Variants in TMEM117 observed in about 807,000 individuals in gnomAD.
TMEM117 encodes transmembrane protein 117.
A neutral mutation model predicts 52.4 loss-of-function variants in TMEM117; 27 were observed. The observed-to-expected ratio is 0.51, with a 90% CI of 0.38 to 0.71. The LOEUF (loss-of-function observed/expected upper bound fraction) is 0.71. Ranked by LOEUF, TMEM117 falls within the 30% of genes least tolerant of loss-of-function variation. The probability of loss-of-function intolerance (pLI) is 0.00; values close to 1 mark genes in which losing one functional copy is unlikely to be tolerated. For missense variants in TMEM117, 556 were observed against 630.5 expected, an observed-to-expected ratio of 0.88 and a Z score of 1.26; for synonymous variants, 215 against 206.3, an observed-to-expected ratio of 1.04 and a Z score of -0.36.
intron 3 of TMEM117, among the ~76,000 whole-genome samples, chr12:44,140,505 G>A (rs1592551958): frequency 6.6e-6 from 1 of 152,032 alleles, no homozygotes; most frequent in African/African-American, 2.4e-5. Flanking sequence ...CTTCTGGACA[G>A]TTTTTTCTCT....
intron 3 of TMEM117, among the ~76,000 whole-genome samples, chr12:43,989,620 A>C (rs962123807): frequency 6.6e-6 from 1 of 151,954 alleles, no homozygotes; most frequent in African/African-American, 2.4e-5. Flanking sequence ...ATTCAAATGT[A>C]TTTATTTTTC....
chr12:44,019,889 A>C (rs896761808), intron 3 of TMEM117, among the ~76,000 whole-genome samples: 2 of 152,150 alleles, frequency 1.3e-5, no homozygotes, highest in African/African-American at 4.8e-5. Flanking sequence ...ACATATGACA[A>C]TCCCCAATTT....
intron 2 of TMEM117, among the ~76,000 whole-genome samples, chr12:43,941,588 A>G (rs1022427692): frequency 9.8e-5 from 15 of 152,288 alleles, no homozygotes; most frequent in African/African-American, 3.6e-4. Flanking sequence ...AGGGCAGTCT[A>G]TGTGTATATG....
At chr12:44,206,628 A>G (rs1949570720) in intron 4 of TMEM117, among the ~76,000 whole-genome samples, 1 of 152,246 alleles carries the variant, frequency 6.6e-6, no homozygotes, top group South Asian at 2.1e-4. Flanking sequence ...AGTACTATGC[A>G]GCCATAAAAA....
chr12:44,253,885 C>T (rs371763431), intron 5 of TMEM117, among the ~76,000 whole-genome samples: 17 of 151,298 alleles, frequency 1.1e-4, no homozygotes, highest in African/African-American at 4.1e-4. Flanking sequence ...CACCTTCTCT[C>T]TCTCAAAGAA....
intron 5 of TMEM117, among the ~76,000 whole-genome samples, chr12:44,242,168 A>G (rs1397848406): frequency 6.6e-6 from 1 of 151,230 alleles, no homozygotes; most frequent in African/African-American, 2.4e-5. Context: ...TCAAGGGTAC[A>G]TGTGCAGGTT....
At chr12:44,358,402 T>C (rs939921879) in intron 6 of TMEM117, among the ~76,000 whole-genome samples, 7 of 152,104 alleles carry the variant, frequency 4.6e-5, no homozygotes, top group African/African-American at 1.7e-4. Flanking sequence ...AATTAGAAAT[T>C]CTCAGAGGAT....
At chr12:43,933,286 G>A (rs776598247) in intron 2 of TMEM117, among the ~76,000 whole-genome samples, 3 of 150,474 alleles carry the variant, frequency 2.0e-5, no homozygotes, top group Admixed American at 6.7e-5. Context: ...TGCAGGCTCC[G>A]CCCCCCAGGG....
At chr12:43,822,794 G>A in the TMEM117 span, among the ~76,000 whole-genome samples, 2 of 151,950 alleles carry the variant, frequency 1.3e-5, no homozygotes, top group Non-Finnish European at 1.5e-5. Flanking sequence ...CTACTTGGGA[G>A]GCCGAGGTAG....
intron 2 of TMEM117, among the ~76,000 whole-genome samples, chr12:43,854,989 T>G (rs1407376700): frequency 2.0e-5 from 3 of 152,224 alleles, no homozygotes; most frequent in Non-Finnish European, 4.4e-5. Context: ...TTTCAGAATT[T>G]AGAGCATTTG....
At chr12:44,304,959 T>C (rs1950886619) in intron 6 of TMEM117, among the ~76,000 whole-genome samples, 1 of 152,154 alleles carries the variant, frequency 6.6e-6, no homozygotes, top group Non-Finnish European at 1.5e-5. Flanking sequence ...AACTTTGTCT[T>C]GTAGCTTGGG....
intron 3 of TMEM117, among the ~76,000 whole-genome samples, chr12:44,070,484 A>C (rs1182460005): frequency 6.6e-6 from 1 of 152,208 alleles, no homozygotes; most frequent in Non-Finnish European, 1.5e-5. Flanking sequence ...ATATTGGGTC[A>C]GTCAACCTGC....
At chr12:44,179,461 G>A (rs1440061107) in intron 4 of TMEM117, among the ~76,000 whole-genome samples, 2 of 152,214 alleles carry the variant, frequency 1.3e-5, no homozygotes, top group African/African-American at 2.4e-5. Flanking sequence ...CAGTTCAAAA[G>A]GCCAAGGAAC....
intron 6 of TMEM117, among the ~76,000 whole-genome samples, chr12:44,370,821 C>T (rs1348651460): frequency 6.6e-6 from 1 of 152,026 alleles, no homozygotes; most frequent in African/African-American, 2.4e-5. Context: ...TATCTTTAAC[C>T]TTCAGAGAGC....
At chr12:44,206,606 T>A (rs1249190354) in intron 4 of TMEM117, among the ~76,000 whole-genome samples, 1 of 152,108 alleles carries the variant, frequency 6.6e-6, no homozygotes, top group Non-Finnish European at 1.5e-5. Flanking sequence ...ATGTAATACA[T>A]AAATACCATC....
chr12:43,837,179 TCTGATC>T (rs1395855812), intron 1 of TMEM117, among the ~76,000 whole-genome samples: 45 of 152,200 alleles, frequency 3.0e-4, no homozygotes, highest in Admixed American at 2.9e-3. Flanking sequence ...CCACCCTCCA[TCTGATC>T]CGTGTGATGA....
chr12:44,025,703 T>C (rs1336727050), intron 3 of TMEM117, among the ~76,000 whole-genome samples: 1 of 152,146 alleles, frequency 6.6e-6, no homozygotes, highest in Non-Finnish European at 1.5e-5. Context: ...ACTAAATGAG[T>C]ATTAAAGAGT....
chr12:44,335,101 G>C, intron 6 of TMEM117, among the ~76,000 whole-genome samples: 1 of 151,968 alleles, frequency 6.6e-6, no homozygotes, highest in South Asian at 2.1e-4. Context: ...AGCACTGTAG[G>C]TGAGATATGG....
chr12:44,042,097 A>G (rs185165318), intron 3 of TMEM117, among the ~76,000 whole-genome samples: 33 of 152,330 alleles, frequency 2.2e-4, no homozygotes, highest in Admixed American at 1.8e-3. Context: ...AGAAAACCCC[A>G]TAATCTCTGC....
Sources: allele counts gnomAD v4.1 joint callset (sites outside exome capture counted in the v4.1 genomes callset), GRCh38; gene constraint gnomAD v4.1.1; transcripts MANE v1.5; gene names NCBI Gene and HGNC (gene_info 2026-07-23, HGNC 2026-07-21).